The following ANKRD46 variants were observed in gnomAD, a reference collection of about 807,000 sequenced individuals.
ANKRD46 encodes the protein ankyrin repeat domain-containing protein 46.
In ANKRD46, 13 loss-of-function variants were observed where a neutral mutation model predicts 19.8. That is an observed-to-expected ratio of 0.66 (90% CI 0.43 to 1.04). ANKRD46 has a LOEUF of 1.04. Ranked by LOEUF, ANKRD46 falls within the 50% of genes least tolerant of loss-of-function variation. The pLI is 0.00. For missense variants in ANKRD46, 185 were observed against 274.8 expected (o/e 0.67, Z 2.31); for synonymous variants, 91 against 106.9 (o/e 0.85, Z 0.92).
downstream of ANKRD46, among the ~76,000 whole-genome samples, chr8:100,519,024 T>G (rs78984052): frequency 0.013 from 1,997 of 152,284 alleles, 50 homozygotes; most frequent in African/African-American, 0.046. Context: ...CAATCCTTTG[T>G]TAGACTAAAC....
chr8:100,551,770 C>T, intron 1 of ANKRD46: 2 of 486,096 alleles, frequency 4.1e-6, no homozygotes, highest in Non-Finnish European at 3.8e-6. Flanking sequence ...TGACCTCAGC[C>T]AGCACCCATA....
rs548390995 is a variant in ANKRD46 at position 100,546,393 on chromosome 8, C to T, written c.-130-13082G>A. 7.2e-5 allele frequency among the ~76,000 whole-genome samples: 11 copies of T among 152,388 alleles called. No individual in the cohort carries two copies. In the South Asian group the frequency reaches 2.1e-3, roughly 29 times the overall value. ...GCCATGGCTAAAAGGGGCCAGACTA[C>T]AGCTCAGACCATTGCTTCAGAGGGT... On this transcript the variant is annotated intron_variant, in intron 1 of 4. Coordinates refer to ENST00000335659, the MANE Select transcript of ANKRD46 (RefSeq NM_001270377.2). The surrounding 1 kb of genome is among the most constrained non-coding windows in gnomAD (Gnocchi z 4.0).
chr8:100,557,607 A>G lies in ANKRD46; in HGVS notation c.-131+2104T>C, dbSNP rs186896976. ...CACCTCCCTTCTCACTCAGAGTAAA[A>G]GCAAAAGTCCTTACCTGGGCCCATT... On this transcript the variant is annotated intron_variant, in intron 1 of 4. Transcript: ENST00000335659. The surrounding 1 kb of genome is among the most constrained non-coding windows in gnomAD (Gnocchi z 5.9). Among the ~76,000 whole-genome samples, 6 of 152,258 alleles carry G rather than the reference A, an allele frequency of 3.9e-5. No homozygotes were observed. Among genetic ancestry groups the G allele is most frequent in the African/African-American group, 1.2e-4 (5 of 41,552 alleles).
chr8:100,555,949 C>T (rs1482925995), intron 1 of ANKRD46, among the ~76,000 whole-genome samples: 7 of 152,078 alleles, frequency 4.6e-5, no homozygotes, highest in African/African-American at 9.7e-5. Flanking sequence ...TATTTTACTG[C>T]GTACCTTGAT....
At chr8:100,548,598 T>C (rs957731026) in intron 1 of ANKRD46, among the ~76,000 whole-genome samples, 5 of 152,240 alleles carry the variant, frequency 3.3e-5, no homozygotes, top group African/African-American at 1.2e-4. Context: ...GTATTTCGCA[T>C]TACCTATTAC....
chr8:100,515,378 C>G (rs1371005362), intron 5 of ANKRD46, among the ~76,000 whole-genome samples: 1 of 151,362 alleles, frequency 6.6e-6, no homozygotes, highest in Non-Finnish European at 1.5e-5. Context: ...AGTGCATTAA[C>G]CGAAATGGAT....
Position 100,557,244 on chromosome 8 carries a change from C to A in ANKRD46, c.-131+2467G>T, listed in dbSNP as rs1030139612. On this transcript the variant is annotated intron_variant, in intron 1 of 4. Transcript: ENST00000335659. This position sits in a 1 kb window ranked among gnomAD's most constrained non-coding sequence, Gnocchi z 5.9. ...AAAACTGGCTCCACCTACCTTCACACTCAGTCTTCTCCATCTCAGTACACT... is the reference window on the plus strand; with the variant it reads ...AAAACTGGCTCCACCTACCTTCACAATCAGTCTTCTCCATCTCAGTACACT... Among the ~76,000 whole-genome samples, 4 of 152,224 alleles carry A rather than the reference C, an allele frequency of 2.6e-5. No homozygotes were observed. Among genetic ancestry groups the A allele is most frequent in the South Asian group, 4.1e-4 (2 of 4,838 alleles).
intron 4 of ANKRD46, 93 bp from the exon 5 acceptor site, chr8:100,522,864 T>TACACACACACACACACACAC: frequency 1.7e-6 from 1 of 593,464 alleles, no homozygotes; most frequent in South Asian, 1.9e-5. Context: ...AAAGACCAAA[T>TACACACACACACACACACAC]ACACACACAC....
intron 2 of ANKRD46, 146 bp from the exon 3 acceptor site, chr8:100,530,006 A>G: frequency 1.7e-6 from 1 of 589,774 alleles, no homozygotes; most frequent in Non-Finnish European, 2.9e-6. Context: ...CAAAGTTATC[A>G]ATTGTATTTT....
intron 3 of ANKRD46, among the ~76,000 whole-genome samples, chr8:100,528,887 C>A (rs1811898433): frequency 6.6e-6 from 1 of 152,108 alleles, no homozygotes. Flanking sequence ...GACTTGACAT[C>A]GTTCCCACTC....
chr8:100,538,385 A>G (rs375640549), intron 1 of ANKRD46, among the ~76,000 whole-genome samples: 3 of 152,334 alleles, frequency 2.0e-5, no homozygotes, highest in Middle Eastern at 3.4e-3. Context: ...ATTATTCCCT[A>G]AACAACACAG....
rs1259601730 is a variant in ANKRD46, at chr8:100,559,752, G to T, written c.-172C>A. On this transcript the variant is annotated 5_prime_UTR_variant, in exon 1 of 5. Coordinates refer to ENST00000335659, the MANE Select transcript of ANKRD46 (RefSeq NM_001270377.2). The surrounding 1 kb of genome is among the most constrained non-coding windows in gnomAD (Gnocchi z 6.0). ...CAGCAGCGACAGCGGCAGCTTCAAG[G>T]AGGCGGTGACGGGCGGAGGGGAGGG... 1 of 152,860 alleles carries T rather than the reference G, an allele frequency of 6.5e-6. No homozygotes were observed. Among genetic ancestry groups the T allele is most frequent in the Non-Finnish European group, 1.5e-5 (1 of 68,530 alleles). 9.5% of individuals were successfully genotyped at this position (152,860 alleles called of 1,614,324 possible).
Position 100,521,881 on chromosome 8 carries a change from T to TATTA in ANKRD46, c.*670_*673dup. On this transcript the variant is annotated 3_prime_UTR_variant, in exon 5 of 5. Coordinates refer to ENST00000335659, the MANE Select transcript of ANKRD46 (RefSeq NM_001270377.2). ...AATGAACTCATTTATTTTTCACAGA[T>TATTA]ATTAACAAGCAAAGCAGTTTACAAA... 1.0e-6 allele frequency: 1 copy of TATTA among 984,934 alleles called. No homozygotes were observed. The highest frequency in any genetic ancestry group is 1.2e-6 in the Non-Finnish European group (1 of 829,472). The allele number at this position is 984,934 out of a possible 1,614,324, so 61.0% of individuals were successfully genotyped here. A position where few individuals can be genotyped will look rare whatever the true frequency, so the allele number is the denominator to read the frequency against.
chr8:100,523,474 C>G (rs1811775513), intron 4 of ANKRD46, among the ~76,000 whole-genome samples: 1 of 151,682 alleles, frequency 6.6e-6, no homozygotes, highest in South Asian at 2.1e-4. Context: ...ATGAGTAAAT[C>G]TAAAAAGTCA....
chr8:100,533,078 A>C (rs975396600), intron 2 of ANKRD46, 131 bp downstream of exon 2: 5 of 152,248 alleles, frequency 3.3e-5, no homozygotes, highest in African/African-American at 1.2e-4. Context: ...AGCAACTACT[A>C]AACTTAATCC....
intron 1 of ANKRD46, among the ~76,000 whole-genome samples, chr8:100,533,870 A>C (rs1458088388): frequency 6.6e-6 from 1 of 152,190 alleles, no homozygotes; most frequent in Non-Finnish European, 1.5e-5. Flanking sequence ...GTGAAATAAA[A>C]GCTGGCCCAA....
chr8:100,514,047 G>C (rs182078165), intron 5 of ANKRD46, among the ~76,000 whole-genome samples: 46 of 152,310 alleles, frequency 3.0e-4, no homozygotes, highest in Admixed American at 2.2e-3. Flanking sequence ...TATTGTGGCA[G>C]AGAATAACCT....
chr8:100,536,641 A>G lies in ANKRD46; in HGVS notation c.-130-3330T>C, dbSNP rs1421918878. 6.6e-6 allele frequency among the ~76,000 whole-genome samples: 1 copy of G among 152,114 alleles called. No individual in the cohort carries two copies. The highest frequency in any genetic ancestry group is 1.9e-4 in the East Asian group (1 of 5,198). ...GACCTCCAGGAAAGAAAAATAAAAGAACTGGTTCCTGGCAGAGGAAAAACC... is the reference window on the plus strand; with the variant it reads ...GACCTCCAGGAAAGAAAAATAAAAGGACTGGTTCCTGGCAGAGGAAAAACC... On this transcript the variant is annotated intron_variant, in intron 1 of 4. Transcript: ENST00000335659. This position sits in a 1 kb window ranked among gnomAD's most constrained non-coding sequence, Gnocchi z 4.9.
intron 5 of ANKRD46, among the ~76,000 whole-genome samples, chr8:100,515,579 T>C (rs746593878): frequency 3.9e-4 from 58 of 149,692 alleles, no homozygotes; most frequent in Non-Finnish European, 2.7e-4. Context: ...CAGAACACAA[T>C]ACTGACACAG....
Sources: allele counts gnomAD v4.1 joint callset (sites outside exome capture counted in the v4.1 genomes callset), GRCh38; gene constraint gnomAD v4.1.1; non-coding constraint Gnocchi (gnomAD v3.1); transcripts MANE v1.5; gene names NCBI Gene and HGNC (gene_info 2026-07-23, HGNC 2026-07-21).